Variants in TAC1 observed in about 807,000 individuals in gnomAD.
TAC1 encodes the protein tachykinin precursor 1, also known as protachykinin-1.
A neutral mutation model predicts 21.7 loss-of-function variants in TAC1; 12 were observed. The ratio of observed to expected loss-of-function variants is 0.55; its 90% CI spans 0.35 to 0.89. TAC1 has a LOEUF of 0.89. TAC1 is among the 40% of genes least tolerant of loss of function. The pLI is 0.01. For synonymous variants in TAC1, 52 were observed against 52.0 expected, an observed-to-expected ratio of 1.00 and a Z score of 0.00; for missense variants, 128 against 151.4, an observed-to-expected ratio of 0.85 and a Z score of 0.81.
intron 3 of TAC1, 107 bp downstream of exon 3, chr7:97,733,926 A>C (rs1221407850): frequency 5.3e-6 from 6 of 1,138,852 alleles, no homozygotes; most frequent in African/African-American, 4.6e-5. Flanking sequence ...TTTCCACTCC[A>C]AGAGGGGTGT....
In TAC1 at chr7:97,740,014, T is replaced by A; in HGVS notation, c.*94T>A. 1.1e-6 allele frequency: 1 copy of A among 886,262 alleles called. No individual in the cohort carries two copies. Among genetic ancestry groups the A allele is most frequent in the Non-Finnish European group, 1.7e-6 (1 of 603,450 alleles). The allele number at this position is 886,262 out of a possible 1,614,324, so 54.9% of individuals were successfully genotyped here. On this transcript the variant is annotated 3_prime_UTR_variant, in exon 7 of 7. Coordinates refer to ENST00000319273, the MANE Select transcript of TAC1 (RefSeq NM_003182.3). ...GCACTATGAGGAATAATTATTTATT[T>A]AATAACAATTGTTTGGGGTTGAAAA...
At position 97,732,781 on chromosome 7, in the gene TAC1, G is replaced by C; in HGVS notation, c.123+46G>C. ...GGCCCGCACCCTTCTTCCTGGGCTC[G>C]GGAGCTGTCACCTTCCCACGCAACA... On this transcript the variant is annotated intron_variant, in intron 2 of 6. Transcript: ENST00000319273. This position sits in a 1 kb window ranked among gnomAD's most constrained non-coding sequence, Gnocchi z 6.2. 1 of 1,590,784 alleles carries C rather than the reference G, an allele frequency of 6.3e-7. No homozygotes were observed. The highest frequency in any genetic ancestry group is 8.6e-7 in the Non-Finnish European group (1 of 1,168,566).
At chr7:97,738,746 C>G (rs1789631513) in intron 6 of TAC1, among the ~76,000 whole-genome samples, 1 of 152,080 alleles carries the variant, frequency 6.6e-6, no homozygotes, top group Non-Finnish European at 1.5e-5. Context: ...AATCTTCTCA[C>G]TGAGGAAACT....
chr7:97,733,456 G>A (rs990738904), intron 2 of TAC1, among the ~76,000 whole-genome samples: 16 of 152,094 alleles, frequency 1.1e-4, no homozygotes. Flanking sequence ...CCCGGGCTGG[G>A]AGGAAAGAGC....
Position 97,732,285 on chromosome 7 carries a change from C to T in TAC1, c.-10+90C>T, listed in dbSNP as rs531452055. The T allele has an allele frequency of 2.6e-5, 5 of 193,386 alleles. No individual in the cohort carries two copies. In the South Asian group the frequency reaches 6.1e-4, roughly 24 times the overall value. 12.0% of individuals were successfully genotyped at this position (193,386 alleles called of 1,614,324 possible). A position where few individuals can be genotyped will look rare whatever the true frequency, so the allele number is the denominator to read the frequency against. ...GGCCGCGCTGGGGGCGCCGCTGCGG[C>T]GAGGGACAGTGGGGAGACTGGCTTC... On this transcript the variant is annotated intron_variant, in intron 1 of 6. Coordinates refer to ENST00000319273, the MANE Select transcript of TAC1 (RefSeq NM_003182.3). The surrounding 1 kb of genome is among the most constrained non-coding windows in gnomAD (Gnocchi z 6.2).
intron 3 of TAC1, 180 bp from the exon 4 acceptor site, chr7:97,734,068 C>CA (rs1272308411): frequency 1.4e-6 from 1 of 697,678 alleles, no homozygotes; most frequent in Non-Finnish European, 2.4e-6. Flanking sequence ...TCCAAACTGA[C>CA]AAAGGGAAGG....
intron 6 of TAC1, among the ~76,000 whole-genome samples, chr7:97,737,911 A>G (rs983829268): frequency 2.0e-5 from 3 of 152,030 alleles, no homozygotes; most frequent in Non-Finnish European, 2.9e-5. Flanking sequence ...CATATTAGTC[A>G]TCAACTTTCC....
intron 3 of TAC1, 148 bp downstream of exon 3, chr7:97,733,967 G>A: frequency 1.2e-6 from 1 of 817,670 alleles, no homozygotes; most frequent in Non-Finnish European, 1.9e-6. Context: ...GGCCCACACC[G>A]CACTAAGGCA....
At chr7:97,735,583 G>A (rs1370057423) in intron 5 of TAC1, among the ~76,000 whole-genome samples, 1 of 152,104 alleles carries the variant, frequency 6.6e-6, no homozygotes, top group Non-Finnish European at 1.5e-5. Context: ...GGCAGAGCAG[G>A]CCACATTAAC....
At chr7:97,739,695 A>G (rs1397202) in intron 6 of TAC1, among the ~76,000 whole-genome samples, 179 bp from the exon 7 acceptor site, 22,178 of 151,998 alleles carry the variant, frequency 0.15, 2,027 homozygotes, top group Admixed American at 0.27. Context: ...ATCATTTCCA[A>G]TCAGAATAGA....
At chr7:97,734,028 A>G (rs1340080355) in intron 3 of TAC1, 4 of 680,150 alleles carry the variant, frequency 5.9e-6, no homozygotes, top group East Asian at 5.4e-5. Context: ...GCCTCACTGT[A>G]TTCGAGTGAA....
intron 6 of TAC1, among the ~76,000 whole-genome samples, chr7:97,738,203 A>G (rs992684041): frequency 3.3e-5 from 5 of 152,006 alleles, no homozygotes; most frequent in Non-Finnish European, 7.4e-5. Context: ...CAAGGTTATC[A>G]TAGCCTTAAT....
chr7:97,734,615 G>T (rs1446971779), intron 4 of TAC1, among the ~76,000 whole-genome samples: 1 of 151,804 alleles, frequency 6.6e-6, no homozygotes, highest in Non-Finnish European at 1.5e-5. Context: ...CCCATAGAAG[G>T]CACTTAATAA....
At position 97,732,321 on chromosome 7, in the gene TAC1, A is replaced by T; in HGVS notation, c.-10+126A>T. ...GGGGAGACTGGCTTCCCAAACGCCAACGCCCCTCTTTGTCTTCCACCTGCA... is the reference window on the plus strand; with the variant it reads ...GGGGAGACTGGCTTCCCAAACGCCATCGCCCCTCTTTGTCTTCCACCTGCA... On this transcript the variant is annotated intron_variant, in intron 1 of 6. Transcript: ENST00000319273. The surrounding 1 kb of genome is among the most constrained non-coding windows in gnomAD (Gnocchi z 6.2). The T allele has an allele frequency of 4.1e-6, 1 of 241,588 alleles. No homozygotes were observed. The highest frequency in any genetic ancestry group is 8.1e-6 in the Non-Finnish European group (1 of 124,030). The allele number at this position is 241,588 out of a possible 1,614,324, so 15.0% of individuals were successfully genotyped here. A position where few individuals can be genotyped will look rare whatever the true frequency, so the allele number is the denominator to read the frequency against.
chr7:97,732,680 G>T lies in TAC1; in HGVS notation c.68G>T (p.Gly23Val). ...ACTCAGCTGTTTGCAGAAGAAATAGGAGCCAATGATGATCTGAATTACTGG... is the reference window on the plus strand; with the variant it reads ...ACTCAGCTGTTTGCAGAAGAAATAGTAGCCAATGATGATCTGAATTACTGG... The part of the protein sequence containing the change: ...VSTQLFAEEI[G>V]ANDDLNYWSD... Residue 23 changes from glycine (G) to valine (V), a missense_variant, in exon 2 of 7, where the codon GGA (glycine) becomes GTA (valine). Transcript: ENST00000319273. This position sits in a 1 kb window ranked among gnomAD's most constrained non-coding sequence, Gnocchi z 6.2. 6.2e-7 allele frequency: 1 copy of T among 1,614,078 alleles called. No individual in the cohort carries two copies. The highest frequency in any genetic ancestry group is 1.1e-5 in the South Asian group (1 of 91,080).
rs1465964535 is a variant in TAC1, at chr7:97,733,902, G to C, written c.220+83G>C. Reference sequence around the variant, plus strand: ...TTCCTGGAGTACCCCAGGGTCTCTCGCTCTGAATAGAGATTTCCACTCCAA... The same window carrying C: ...TTCCTGGAGTACCCCAGGGTCTCTCCCTCTGAATAGAGATTTCCACTCCAA... On this transcript the variant is annotated intron_variant, in intron 3 of 6. Coordinates refer to ENST00000319273, the MANE Select transcript of TAC1 (RefSeq NM_003182.3). 3 of 1,337,508 alleles carry C rather than the reference G, an allele frequency of 2.2e-6. No homozygotes were observed. The East Asian group carries it at 7.0e-5, about 31-fold the overall frequency. 82.9% of individuals were successfully genotyped at this position (1,337,508 alleles called of 1,614,324 possible).
chr7:97,735,458 A>T (rs1304652197), intron 5 of TAC1, among the ~76,000 whole-genome samples: 1 of 152,196 alleles, frequency 6.6e-6, no homozygotes, highest in African/African-American at 2.4e-5. Flanking sequence ...TGTGAAGGTC[A>T]TTAAATTTGT....
chr7:97,733,608 G>A (rs1789487029), intron 2 of TAC1, 115 bp from the exon 3 acceptor site: 1 of 965,806 alleles, frequency 1.0e-6, no homozygotes, highest in South Asian at 1.5e-5. Context: ...CGAGCGTGGG[G>A]AAGGCCGCCT....
chr7:97,732,268 T>TG lies in TAC1; in HGVS notation c.-10+78dup. The TG allele has an allele frequency of 5.4e-6, 1 of 183,896 alleles. No individual in the cohort carries two copies. The highest frequency in any genetic ancestry group is 1.1e-5 in the Non-Finnish European group (1 of 87,750). 11.4% of individuals were successfully genotyped at this position (183,896 alleles called of 1,614,324 possible). ...CCGCATCTGTCCGAGGTGGCCGCGC[T>TG]GGGGGCGCCGCTGCGGCGAGGGACA... On this transcript the variant is annotated intron_variant, in intron 1 of 6. Transcript: ENST00000319273. This position sits in a 1 kb window ranked among gnomAD's most constrained non-coding sequence, Gnocchi z 6.2.
Sources: allele counts gnomAD v4.1 joint callset (sites outside exome capture counted in the v4.1 genomes callset), GRCh38; gene constraint gnomAD v4.1.1; non-coding constraint Gnocchi (gnomAD v3.1); transcripts MANE v1.5; gene names NCBI Gene and HGNC (gene_info 2026-07-23, HGNC 2026-07-21).